Variants in GOLGA6L22 observed in about 807,000 individuals in gnomAD.
GOLGA6L22 encodes golgin subfamily A member 6-like protein 22.
In GOLGA6L22, 28 loss-of-function variants were observed where a neutral mutation model predicts 77.1. The ratio of observed to expected loss-of-function variants is 0.36; its 90% CI spans 0.27 to 0.50. The LOEUF (loss-of-function observed/expected upper bound fraction) is 0.50. Among genes scored for constraint, GOLGA6L22 ranks in the 20% least tolerant of loss-of-function variants. The probability of loss-of-function intolerance (pLI) is 0.97; values close to 1 mark genes in which losing one functional copy is unlikely to be tolerated. For missense variants in GOLGA6L22, 250 were observed against 620.4 expected, an observed-to-expected ratio of 0.40 and a Z score of 6.34; for synonymous variants, 62 against 185.3, an observed-to-expected ratio of 0.33 and a Z score of 5.41.
chr15:22,463,561 G>T (rs1252870772), intron 5 of GOLGA6L22, among the ~76,000 whole-genome samples: 1 of 130,348 alleles, frequency 7.7e-6, no homozygotes, highest in African/African-American at 3.1e-5. Context: ...TGAGGCAGGA[G>T]AATTGCTTGA....
chr15:22,466,899 G>A, intron 8 of GOLGA6L22, 74 bp downstream of exon 8: 1 of 437,392 alleles, frequency 2.3e-6, no homozygotes, highest in Non-Finnish European at 3.8e-6. Flanking sequence ...GGAGCAGGCG[G>A]AGGTGTGTGC....
At chr15:22,466,385 G>A (rs751806952) in exon 8 of GOLGA6L22, 2 of 1,420,952 alleles carry the variant, frequency 1.4e-6, no homozygotes, top group African/African-American at 3.5e-5. Flanking sequence ...GGAGCAGGAG[G>A]AGAAGATTTG....
chr15:22,469,167 C>A (rs1323512405), exon 9 of GOLGA6L22: 2 of 111,982 alleles, frequency 1.8e-5, no homozygotes, highest in South Asian at 3.0e-4. Flanking sequence ...GTACCTATAA[C>A]CCTCCCTCAT....
intron 5 of GOLGA6L22, 99 bp from the exon 6 acceptor site, chr15:22,463,742 G>A: frequency 1.9e-6 from 1 of 526,726 alleles, no homozygotes; most frequent in South Asian, 2.1e-5. Flanking sequence ...TTGAGAGTGA[G>A]GAAGTGTTAC....
rs1368257607 is a variant in GOLGA6L22 at position 22,465,662 on chromosome 15, G to A, written c.1270G>A (p.Glu424Lys). The A allele has an allele frequency of 4.2e-6, 4 of 943,468 alleles. No individual in the cohort carries two copies. In the Admixed American group the frequency reaches 8.2e-5, roughly 19 times the overall value. 58.4% of individuals were successfully genotyped at this position (943,468 alleles called of 1,614,324 possible). Residue 424 changes from glutamate to lysine, a missense_variant, in exon 8 of 9, where the codon GAG becomes AAG. Physicochemically the swap from Glu to Lys is moderately conservative, Grantham distance 56 (BLOSUM62 1). Transcript: ENST00000622895. Reference sequence around the variant, plus strand: ...GCAAAAGGAGAAGATGCACGAGCAGGAGGAGAAGATACGGAAGCAGGAGGA... The same window carrying A: ...GCAAAAGGAGAAGATGCACGAGCAGAAGGAGAAGATACGGAAGCAGGAGGA...
chr15:22,461,959 C>T lies in GOLGA6L22; in HGVS notation c.181-75C>T, dbSNP rs1566904816. 14 of 1,395,816 alleles carry T rather than the reference C, an allele frequency of 1.0e-5. 1 individual carries two copies. The highest frequency in any genetic ancestry group is 4.8e-5 in the East Asian group (2 of 41,686). 86.5% of individuals were successfully genotyped at this position (1,395,816 alleles called of 1,614,324 possible). ...GTGGGCCTGTTCTGGGACAGTGGTG[C>T]CATTCTGGGGGCATGTCTCTTGCTG... On this transcript the variant is annotated intron_variant, in intron 2 of 8. Coordinates refer to ENST00000622895, the Ensembl canonical transcript of GOLGA6L22.
At chr15:22,466,465 G>A (rs1426837816) in exon 8 of GOLGA6L22, 3 of 644,958 alleles carry the variant, frequency 4.7e-6, no homozygotes, top group Non-Finnish European at 8.1e-6. Flanking sequence ...TAAGGGAGCA[G>A]GAGAAGAAGA....
exon 8 of GOLGA6L22, chr15:22,465,746 G>A (rs1595543125): frequency 1.5e-6 from 2 of 1,355,286 alleles, no homozygotes; most frequent in Non-Finnish European, 2.0e-6. Context: ...ACGGGAGCAG[G>A]AGGAGAAGGT....
chr15:22,463,162 C>A (rs537961764), intron 5 of GOLGA6L22, among the ~76,000 whole-genome samples: 4 of 134,414 alleles, frequency 3.0e-5, no homozygotes, highest in African/African-American at 1.3e-4. Flanking sequence ...TAATGGTAAC[C>A]GTCTCCTATG....
In GOLGA6L22 at chr15:22,463,035, G is replaced by A. The variant is rs571272329; in HGVS notation, c.432+567G>A. Among the ~76,000 whole-genome samples the A allele has an allele frequency of 8.9e-5, 12 of 135,534 alleles. No individual in the cohort carries two copies. The South Asian group carries it at 1.9e-3, about 22-fold the overall frequency. 88.9% of individuals were successfully genotyped at this position (135,534 alleles called of 152,430 possible). A position where few individuals can be genotyped will look rare whatever the true frequency, so the allele number is the denominator to read the frequency against. ...TCTTAACTGTGCCCCTACCTCCAGC[G>A]AAAGAATGGGCTTAGAGAATCAGAT... On this transcript the variant is annotated intron_variant, in intron 5 of 8. Transcript: ENST00000622895.
chr15:22,463,813 T>C, intron 5 of GOLGA6L22, 28 bp from the exon 6 acceptor site: 1 of 633,566 alleles, frequency 1.6e-6, no homozygotes, highest in Non-Finnish European at 2.5e-6. Flanking sequence ...GCCTGCTCTA[T>C]CCTGACTTAA....
At chr15:22,461,664 GC>G (rs1216762152) in intron 2 of GOLGA6L22, among the ~76,000 whole-genome samples, 1 of 71,178 alleles carries the variant, frequency 1.4e-5, no homozygotes. Flanking sequence ...TCCATTCCTG[GC>G]CCCTGCCTAT....
chr15:22,459,040 C>A, upstream of GOLGA6L22: 1 of 106,060 alleles, frequency 9.4e-6, no homozygotes, highest in East Asian at 9.0e-5. Context: ...CCCCACCTCC[C>A]TACCCATCCC....
At chr15:22,463,559 G>A (rs1346000234) in intron 5 of GOLGA6L22, among the ~76,000 whole-genome samples, 1 of 130,950 alleles carries the variant, frequency 7.6e-6, no homozygotes, top group Admixed American at 7.9e-5. Flanking sequence ...GCTGAGGCAG[G>A]AGAATTGCTT....
At position 22,466,382 on chromosome 15, in the gene GOLGA6L22, G is replaced by GA. The variant is rs1887720977; in HGVS notation, c.1991dup (p.Glu665GlyfsTer110). The GA allele has an allele frequency of 7.0e-7, 1 of 1,420,040 alleles. No individual in the cohort carries two copies. Among genetic ancestry groups the GA allele is most frequent in the Admixed American group, 2.2e-5 (1 of 45,296 alleles). The allele number at this position is 1,420,040 out of a possible 1,614,324, so 88.0% of individuals were successfully genotyped here. A position where few individuals can be genotyped will look rare whatever the true frequency, so the allele number is the denominator to read the frequency against. On this transcript the variant is annotated frameshift_variant, in exon 8 of 9. Transcript: ENST00000622895. LOFTEE classifies it high-confidence loss of function. ...ACAGGAAGAGAAGATGGGGGAGCAG[G>GA]AGGAGAAGATTTGGGAGCAGGAAGA... is the stretch of plus-strand genomic sequence containing the variant.
exon 8 of GOLGA6L22, chr15:22,466,350 T>G (rs540206580): frequency 3.0e-6 from 4 of 1,336,542 alleles, no homozygotes; most frequent in African/African-American, 3.8e-5. Context: ...GAGGAGATGA[T>G]GCAGGAACAG....
chr15:22,464,585 AT>A (rs1026907440), intron 7 of GOLGA6L22, among the ~76,000 whole-genome samples: 4 of 128,492 alleles, frequency 3.1e-5, no homozygotes, highest in East Asian at 2.2e-4. Flanking sequence ...GCTTAAAAAT[AT>A]TTTTTTAAAG....
At chr15:22,465,970 G>C in exon 8 of GOLGA6L22, 1 of 938,500 alleles carries the variant, frequency 1.1e-6, no homozygotes, top group Non-Finnish European at 1.5e-6. Context: ...GGCAGGAGGA[G>C]AAGATACGGG....
intron 7 of GOLGA6L22, among the ~76,000 whole-genome samples, 184 bp downstream of exon 7, chr15:22,464,555 T>C (rs950875453): frequency 7.5e-6 from 1 of 133,348 alleles, no homozygotes; most frequent in South Asian, 2.5e-4. Flanking sequence ...GCCTGGGGAA[T>C]CAGAATCTCA....
Sources: gnomAD v4.1 joint callset for allele counts (sites outside exome capture counted in the v4.1 genomes callset) on GRCh38, gnomAD v4.1.1 for gene constraint, MANE v1.5 for transcripts, NCBI Gene and HGNC (gene_info 2026-07-23, HGNC 2026-07-21) for gene names.